Variants in CR1L observed in about 807,000 individuals in gnomAD.
The protein encoded by CR1L is complement C3b/C4b receptor 1 like.
Under a neutral mutation model 62.3 loss-of-function variants are expected in CR1L, and 59 were observed. That is an observed-to-expected ratio of 0.95 (90% CI 0.77 to 1.18). The LOEUF is 1.18. Ranked by LOEUF, CR1L falls within the 50% of genes most tolerant of loss-of-function variation. The pLI is 0.00. For missense variants in CR1L, 700 were observed against 702.8 expected (o/e 1.00, Z 0.04); for synonymous variants, 279 against 248.7 (o/e 1.12, Z -1.15).
intron 1 of CR1L, among the ~76,000 whole-genome samples, chr1:207,675,125 C>T (rs757841094): frequency 6.6e-6 from 1 of 152,146 alleles, no homozygotes; most frequent in African/African-American, 2.4e-5. Flanking sequence ...GTACAAAAAA[C>T]ATGTCATCAT....
At chr1:207,685,659 T>A (rs1663888556) in intron 4 of CR1L, among the ~76,000 whole-genome samples, 2 of 152,212 alleles carry the variant, frequency 1.3e-5, no homozygotes, top group South Asian at 4.1e-4. Context: ...CCCAGTTCAA[T>A]GGCAACAGTT....
At chr1:207,661,329 T>C (rs1360579591) in intron 1 of CR1L, among the ~76,000 whole-genome samples, 1 of 152,262 alleles carries the variant, frequency 6.6e-6, no homozygotes, top group East Asian at 1.9e-4. Context: ...TGGGTGCTCC[T>C]GTATTGGGTG....
chr1:207,669,157 G>A (rs1373867708), intron 1 of CR1L: 3 of 278,496 alleles, frequency 1.1e-5, no homozygotes, highest in Non-Finnish European at 2.1e-5. Flanking sequence ...GGCCTCACAC[G>A]CGGGATCCAT....
At chr1:207,649,315 T>C (rs1571639981) in intron 1 of CR1L, among the ~76,000 whole-genome samples, 1 of 151,800 alleles carries the variant, frequency 6.6e-6, no homozygotes. Context: ...CAGAGTAGGG[T>C]AAAGGAGACA....
chr1:207,693,747 G>A (rs1290442000), intron 4 of CR1L, among the ~76,000 whole-genome samples: 1 of 151,680 alleles, frequency 6.6e-6, no homozygotes, highest in Non-Finnish European at 1.5e-5. Flanking sequence ...GTTCAATAGA[G>A]CTTATCTTTT....
chr1:207,684,902 ATGT>A (rs1307432156), intron 4 of CR1L, among the ~76,000 whole-genome samples: 3 of 152,194 alleles, frequency 2.0e-5, no homozygotes, highest in Non-Finnish European at 4.4e-5. Context: ...GTATTTAAAA[ATGT>A]TGTTACTTTT....
At chr1:207,701,855 G>GAAAA in intron 9 of CR1L, 1 of 672,154 alleles carries the variant, frequency 1.5e-6, no homozygotes. Flanking sequence ...TGGATGGGAA[G>GAAAA]GAAAAAAAAT....
chr1:207,693,711 C>T (rs1664028884), intron 4 of CR1L, among the ~76,000 whole-genome samples: 1 of 151,428 alleles, frequency 6.6e-6, no homozygotes, highest in Non-Finnish European at 1.5e-5. Flanking sequence ...ATTGAAATTA[C>T]ATTTGGAAGC....
intron 11 of CR1L, among the ~76,000 whole-genome samples, chr1:207,718,632 C>T (rs112596662): frequency 0.023 from 3,478 of 152,094 alleles, 134 homozygotes; most frequent in African/African-American, 0.078. Flanking sequence ...AATGTTGGCC[C>T]GGCTGGTCTC....
At position 207,694,587 on chromosome 1, in the gene CR1L, C is replaced by A; in HGVS notation, c.698C>A (p.Pro233Gln). The change falls in exon 5 of 12, where the codon CCA becomes CAA. Residue 233 changes from proline (P) to glutamine (Q), a missense_variant. Transcript: ENST00000508064. ...ATTATACCTAACAAATGCACGCCTC[C>A]AAATGTGGAAAATGGAATATTGGTA... ...QCIIPNKCTPPNVENGILVSD... is the reference protein window; with the variant it reads ...QCIIPNKCTPQNVENGILVSD... 1 of 1,612,014 alleles carries A rather than the reference C, an allele frequency of 6.2e-7. No homozygotes were observed. Among genetic ancestry groups the A allele is most frequent in the Non-Finnish European group, 8.5e-7 (1 of 1,179,734 alleles).
chr1:207,652,964 G>C (rs1486652578), intron 1 of CR1L: 4 of 260,972 alleles, frequency 1.5e-5, no homozygotes, highest in Non-Finnish European at 2.9e-5. Flanking sequence ...CTTATAATAG[G>C]TAAAGAAAGA....
In CR1L at chr1:207,709,009, G is replaced by A. The variant is rs934444708; in HGVS notation, c.1414+746G>A. 4.1e-5 allele frequency: 13 copies of A among 316,002 alleles called. 1 individual carries two copies. Among genetic ancestry groups the A allele is most frequent in the Non-Finnish European group, 8.0e-5 (13 of 162,266 alleles). The allele number at this position is 316,002 out of a possible 1,614,324, so 19.6% of individuals were successfully genotyped here. A position where few individuals can be genotyped will look rare whatever the true frequency, so the allele number is the denominator to read the frequency against. ...GTATCCAGTTATTTGTATTACTTCT[G>A]AATCTGTAAGTATCATGTTTATTAT... On this transcript the variant is annotated intron_variant, in intron 10 of 11. Transcript: ENST00000508064.
chr1:207,663,233 GC>G (rs1215508448), intron 1 of CR1L, among the ~76,000 whole-genome samples: 1 of 152,216 alleles, frequency 6.6e-6, no homozygotes, highest in African/African-American at 2.4e-5. Flanking sequence ...TCTGTGCCCT[GC>G]CCCCAGAGGT....
At chr1:207,686,150 T>TCCTC (rs1355346983) in intron 4 of CR1L, among the ~76,000 whole-genome samples, 34 of 35,916 alleles carry the variant, frequency 9.5e-4, no homozygotes, top group African/African-American at 4.3e-3. Context: ...CTTCCTTCCT[T>TCCTC]CCTTCCTTCC....
At chr1:207,677,693 G>A in intron 2 of CR1L, 125 bp downstream of exon 2, 1 of 1,120,590 alleles carries the variant, frequency 8.9e-7, no homozygotes, top group Non-Finnish European at 1.3e-6. Context: ...ATACATATGA[G>A]AATTATTCTT....
intron 10 of CR1L, among the ~76,000 whole-genome samples, chr1:207,713,752 C>T (rs371915519): frequency 9.2e-5 from 14 of 152,252 alleles, no homozygotes; most frequent in East Asian, 1.9e-4. Flanking sequence ...GGGGTCCCCA[C>T]GACCCCGAAG....
At chr1:207,685,574 G>A (rs898545186) in intron 4 of CR1L, among the ~76,000 whole-genome samples, 1 of 152,112 alleles carries the variant, frequency 6.6e-6, no homozygotes, top group African/African-American at 2.4e-5. Context: ...CATTACAATT[G>A]TCTCTGGCAA....
At chr1:207,670,646 C>T (rs1014737849) in intron 1 of CR1L, among the ~76,000 whole-genome samples, 3 of 150,948 alleles carry the variant, frequency 2.0e-5, no homozygotes, top group South Asian at 4.1e-4. Context: ...TTTGAGTGTT[C>T]CTTCTTCTCT....
Position 207,717,615 on chromosome 1 carries a change from C to T in CR1L, c.1566C>T (p.Ile522=), listed in dbSNP as rs1230663963. ...MTFNLIGEST[I]RRTSEPHGNG... ...TCAACCTCATTGGGGAGAGCACCAT[C>T]CGCCGCACAAGTGAACCTCATGGGA... Residue 522 remains isoleucine, a synonymous_variant, in exon 11 of 12, where the codon ATC becomes ATT. Transcript: ENST00000508064. 3.1e-6 allele frequency: 5 copies of T among 1,613,974 alleles called. No homozygotes were observed. Among genetic ancestry groups the T allele is most frequent in the Non-Finnish European group, 4.2e-6 (5 of 1,179,884 alleles).
Sources: gnomAD v4.1 joint callset for allele counts (sites outside exome capture counted in the v4.1 genomes callset) on GRCh38, gnomAD v4.1.1 for gene constraint, MANE v1.5 for transcripts, NCBI Gene and HGNC (gene_info 2026-07-23, HGNC 2026-07-21) for gene names.